Variants in ENO1 observed in about 807,000 individuals in gnomAD.
The protein encoded by ENO1 is enolase 1, also known as alpha-enolase.
A neutral mutation model predicts 46.3 loss-of-function variants in ENO1; 33 were observed. The ratio of observed to expected loss-of-function variants is 0.71; its 90% CI spans 0.54 to 0.95. The LOEUF is 0.95. Among genes scored for constraint, ENO1 ranks in the 40% least tolerant of loss-of-function variants. ENO1 has a pLI of 0.00. For missense variants in ENO1, 488 were observed against 553.3 expected (o/e 0.88, Z 1.18); for synonymous variants, 220 against 216.0 (o/e 1.02, Z -0.16).
In ENO1 at chr1:8,867,174, G is replaced by A; in HGVS notation, c.387C>T (p.Pro129=). The change falls in exon 6 of 12, where the codon CCC becomes CCT. Residue 129 remains proline (P), a synonymous_variant. Transcript: ENST00000234590. ...CCAAGTCAGCGATGTGGCGGTACAG[G>A]GGGACCCCCTTCTCAACGGCACCAG... is the stretch of plus-strand genomic sequence containing the variant. ...CKAGAVEKGV[P]LYRHIADLAG... The A allele has an allele frequency of 6.2e-7, 1 of 1,614,168 alleles. No individual in the cohort carries two copies. Among genetic ancestry groups the A allele is most frequent in the Non-Finnish European group, 8.5e-7 (1 of 1,180,016 alleles).
intron 2 of ENO1, 82 bp from the exon 3 acceptor site, chr1:8,872,068 G>T: frequency 8.4e-7 from 1 of 1,191,408 alleles, no homozygotes; most frequent in Non-Finnish European, 1.2e-6. Flanking sequence ...GCCCACAGAT[G>T]CATTTGTCAT....
chr1:8,870,984 A>G, intron 3 of ENO1: 1 of 1,244,596 alleles, frequency 8.0e-7, no homozygotes, highest in Non-Finnish European at 1.0e-6. Context: ...AGGAAAGCAG[A>G]GGAGAGCATT....
At chr1:8,863,418 G>C in intron 9 of ENO1, 75 bp from the exon 10 acceptor site, 1 of 1,413,454 alleles carries the variant, frequency 7.1e-7, no homozygotes, top group Non-Finnish European at 9.6e-7. Context: ...ATTACCCCTC[G>C]GTGCCAGCAG....
rs979584441 is a variant in ENO1 at position 8,862,838 on chromosome 1, C to T, written c.1235+49G>A. ...GGGCAGTGCCTACACTGAGTGCAGG[C>T]CCCCACCTAGTGAACCACAGGCCCC... On this transcript the variant is annotated intron_variant, in intron 11 of 11. Transcript: ENST00000234590. The T allele has an allele frequency of 2.5e-6, 4 of 1,602,640 alleles. No homozygotes were observed. The Admixed American group carries it at 6.7e-5, about 27-fold the overall frequency.
In ENO1 at chr1:8,866,980, G is replaced by A. The variant is rs533039408; in HGVS notation, c.444+137C>T. On this transcript the variant is annotated intron_variant, in intron 6 of 11. Coordinates refer to ENST00000234590, the MANE Select transcript of ENO1 (RefSeq NM_001428.5). ...AGGCAAGTTGAGTTACCTGCTCAAG[G>A]TCACACTTAACAAGGGGCAGAGCTG... The A allele has an allele frequency of 9.7e-6, 13 of 1,340,238 alleles. No individual in the cohort carries two copies. In the South Asian group the frequency reaches 1.7e-4, roughly 17 times the overall value. 83.0% of individuals were successfully genotyped at this position (1,340,238 alleles called of 1,614,324 possible).
Position 8,865,478 on chromosome 1 carries a change from C to T in ENO1, c.672G>A (p.Leu224=). 2 of 1,612,872 alleles carry T rather than the reference C, an allele frequency of 1.2e-6. No homozygotes were observed. Among genetic ancestry groups the T allele is most frequent in the South Asian group, 1.1e-5 (1 of 91,018 alleles). Residue 224 remains leucine, a synonymous_variant, in exon 8 of 12, where the codon CTG becomes CTA. Transcript: ENST00000234590. ...TCCCAATAGCAGTCTTCAGCAGCTC[C>T]AGGCCTGGGAAGAGATGGTGACAAC... The part of the protein sequence containing the change: ...APNILENKEG[L]ELLKTAIGKA...
At chr1:8,863,005 G>C (rs897212241) in intron 10 of ENO1, 60 bp from the exon 11 acceptor site, 150 of 1,593,586 alleles carry the variant, frequency 9.4e-5, no homozygotes, top group Admixed American at 1.4e-4. Context: ...ATTTCTGGCA[G>C]GGAGAGGGTG....
intron 3 of ENO1, chr1:8,871,268 ACT>A: frequency 9.9e-7 from 1 of 1,006,310 alleles, no homozygotes; most frequent in Non-Finnish European, 1.2e-6. Context: ...CGGGTGCCCC[ACT>A]GAGAATGCGT....
intron 2 of ENO1, 103 bp from the exon 3 acceptor site, chr1:8,872,089 T>C: frequency 1.1e-6 from 1 of 921,230 alleles, no homozygotes; most frequent in Non-Finnish European, 1.7e-6. Context: ...TAGGGAGCTG[T>C]TTCTTCCTCC....
chr1:8,874,904 G>A lies in ENO1; in HGVS notation c.5C>T (p.Ser2Phe). The A allele has an allele frequency of 6.2e-7, 1 of 1,613,654 alleles. No individual in the cohort carries two copies. Among genetic ancestry groups the A allele is most frequent in the Non-Finnish European group, 8.5e-7 (1 of 1,179,710 alleles). M[S>F]ILKIHAREIF... ...CTCCCTGGCATGGATCTTGAGAATA[G>A]ACATGGTGAACTTCTGTAGAAGAAA... Residue 2 changes from serine to phenylalanine, a missense_variant, in exon 2 of 12, where the codon TCT becomes TTT. By Grantham distance (155) the Ser-to-Phe change is radical (BLOSUM62 -2). Transcript: ENST00000234590.
chr1:8,866,347 T>A lies in ENO1; in HGVS notation c.599A>T (p.Tyr200Phe). The change falls in exon 7 of 12, where the codon TAT becomes TTT. Residue 200 changes from tyrosine (Y) to phenylalanine (F), a missense_variant. Tyr to Phe is a conservative substitution (Grantham distance 22). Coordinates refer to ENST00000234590, the MANE Select transcript of ENO1 (RefSeq NM_001428.5). ...CCCCACATTGGTGGCATCTTTCCCA[T>A]ATTTCTCCTTGATGACATTCTTCAG... ...HNLKNVIKEK[Y>F]GKDATNVGDE... The A allele has an allele frequency of 6.2e-7, 1 of 1,614,168 alleles. No individual in the cohort carries two copies. Among genetic ancestry groups the A allele is most frequent in the Non-Finnish European group, 8.5e-7 (1 of 1,180,030 alleles).
rs1642632124 is a variant in ENO1, at chr1:8,871,516, C to G, written c.181+375G>C. ...GGATCCTTTCTAGCCCGTGAAGAGG[C>G]TGATGATCTCTGGAGGGCCCACAGA... On this transcript the variant is annotated intron_variant, in intron 3 of 11. Coordinates refer to ENST00000234590, the MANE Select transcript of ENO1 (RefSeq NM_001428.5). The G allele has an allele frequency of 6.8e-6, 7 of 1,031,110 alleles. No homozygotes were observed. In the South Asian group the frequency reaches 2.2e-4, roughly 33 times the overall value. 63.9% of individuals were successfully genotyped at this position (1,031,110 alleles called of 1,614,324 possible).
At chr1:8,874,577 CAAAAAAAAAAAAAAAA>C (rs140269736) in intron 2 of ENO1, among the ~76,000 whole-genome samples, 2 of 51,602 alleles carry the variant, frequency 3.9e-5, no homozygotes, top group Non-Finnish European at 7.0e-5. Flanking sequence ...GACTCCATCT[CAAAAAAAAAAAAAAAA>C]AAAAAAAGAA....
At position 8,863,313 on chromosome 1, in the gene ENO1, G is replaced by A. The variant is rs576937282; in HGVS notation, c.1098C>T (p.Gly366=). 1.5e-5 allele frequency: 25 copies of A among 1,613,992 alleles called. No individual in the cohort carries two copies. The East Asian group carries it at 2.0e-4, about 13-fold the overall frequency. Residue 366 remains glycine, a synonymous_variant, in exon 10 of 12, where the codon GGC becomes GGT. Coordinates refer to ENST00000234590, the MANE Select transcript of ENO1 (RefSeq NM_001428.5). ...CCCCCGAACGATGAGACACCATGACGCCCCAACCATTGGCCTGGGCCAGCT... is the reference window on the plus strand; with the variant it reads ...CCCCCGAACGATGAGACACCATGACACCCCAACCATTGGCCTGGGCCAGCT... ...ACKLAQANGW[G]VMVSHRSGET...
chr1:8,869,486 AT>A (rs1642587491), intron 4 of ENO1, among the ~76,000 whole-genome samples: 1 of 152,312 alleles, frequency 6.6e-6, no homozygotes, highest in Non-Finnish European at 1.5e-5. Context: ...TACAGAATGA[AT>A]TCATGGAGGA....
At chr1:8,868,937 A>G (rs903402435) in intron 4 of ENO1, among the ~76,000 whole-genome samples, 6 of 152,200 alleles carry the variant, frequency 3.9e-5, no homozygotes, top group East Asian at 1.9e-4. Flanking sequence ...TCAGCCTCCT[A>G]AAGTCCTCCT....
At chr1:8,867,579 A>G (rs1048093848) in intron 5 of ENO1, among the ~76,000 whole-genome samples, 10 of 151,562 alleles carry the variant, frequency 6.6e-5, no homozygotes, top group Admixed American at 2.6e-4. Context: ...TTTTTGAGAC[A>G]GAGTCTCACT....
intron 6 of ENO1, 192 bp from the exon 7 acceptor site, chr1:8,866,693 T>C (rs2781065): frequency 0.82 from 515,823 of 628,168 alleles, 212,649 homozygotes; most frequent in East Asian, 0.94. Flanking sequence ...GAGACAGGGT[T>C]TCACTATACT....
intron 1 of ENO1, among the ~76,000 whole-genome samples, chr1:8,875,347 G>A (rs955433024): frequency 8.5e-5 from 13 of 152,098 alleles, no homozygotes; most frequent in Admixed American, 7.9e-4. Flanking sequence ...ACAAACGTGT[G>A]TGCCCAGGGA....
Sources: allele counts gnomAD v4.1 joint callset (sites outside exome capture counted in the v4.1 genomes callset), GRCh38; gene constraint gnomAD v4.1.1; transcripts MANE v1.5; gene names NCBI Gene and HGNC (gene_info 2026-07-23, HGNC 2026-07-21).